CAMK1D: variants seen among roughly 807,000 people sequenced by gnomAD.
The protein encoded by CAMK1D is calcium/calmodulin dependent protein kinase ID.
In CAMK1D, 9 loss-of-function variants were observed where a neutral mutation model predicts 47.7. The observed-to-expected ratio is 0.19, with a 90% CI of 0.11 to 0.33. The LOEUF (loss-of-function observed/expected upper bound fraction) is 0.33. Among genes scored for constraint, CAMK1D ranks in the 10% least tolerant of loss-of-function variants. CAMK1D has a pLI of 1.00. For synonymous variants in CAMK1D, 184 were observed against 184.9 expected (o/e 0.99, Z 0.04); for missense variants, 291 against 488.7 (o/e 0.60, Z 3.81).
At chr10:12,816,872 CAAAAAA>C (rs71386122) in intron 8 of CAMK1D, among the ~76,000 whole-genome samples, 1 of 57,426 alleles carries the variant, frequency 1.7e-5, no homozygotes, top group Non-Finnish European at 3.9e-5. Flanking sequence ...AACTCTGTCT[CAAAAAA>C]AAAAAAAAAA....
chr10:12,436,132 G>A (rs1001440884), intron 1 of CAMK1D, among the ~76,000 whole-genome samples: 2 of 152,136 alleles, frequency 1.3e-5, no homozygotes, highest in Admixed American at 6.5e-5. Context: ...ATGGCTTTCC[G>A]GGCCCCGGCT....
At chr10:12,477,947 T>A (rs2132090662) in intron 1 of CAMK1D, among the ~76,000 whole-genome samples, 1 of 152,334 alleles carries the variant, frequency 6.6e-6, no homozygotes, top group Non-Finnish European at 1.5e-5. Context: ...GTTCCTGAAT[T>A]CTAGATGCTG....
chr10:12,490,369 A>T (rs1834345622), intron 1 of CAMK1D, among the ~76,000 whole-genome samples: 1 of 151,956 alleles, frequency 6.6e-6, no homozygotes, highest in African/African-American at 2.4e-5. Context: ...TGTGGTGTGG[A>T]GGGGGAACTG....
At chr10:12,525,201 G>A (rs1008595995) in intron 1 of CAMK1D, among the ~76,000 whole-genome samples, 1 of 152,144 alleles carries the variant, frequency 6.6e-6, no homozygotes, top group African/African-American at 2.4e-5. Flanking sequence ...TGTTGTGTGG[G>A]TATTCTTTTC....
chr10:12,487,579 G>T (rs1358832912), intron 1 of CAMK1D, among the ~76,000 whole-genome samples: 1 of 152,248 alleles, frequency 6.6e-6, no homozygotes, highest in African/African-American at 2.4e-5. Context: ...AGTCATCCTT[G>T]AATCCTTTTC....
intron 1 of CAMK1D, among the ~76,000 whole-genome samples, chr10:12,488,852 A>T (rs1223533861): frequency 6.6e-6 from 1 of 152,192 alleles, no homozygotes; most frequent in Non-Finnish European, 1.5e-5. Context: ...TCAGGCGGTG[A>T]TGCGAGGGAT....
At chr10:12,393,399 C>G (rs552696954) in intron 1 of CAMK1D, among the ~76,000 whole-genome samples, 1 of 152,220 alleles carries the variant, frequency 6.6e-6, no homozygotes, top group African/African-American at 2.4e-5. Flanking sequence ...GTGCTAGGCT[C>G]TCTGAGAGAG....
chr10:12,680,221 A>G (rs1315978937), intron 3 of CAMK1D, among the ~76,000 whole-genome samples: 6 of 152,210 alleles, frequency 3.9e-5, no homozygotes, highest in African/African-American at 7.2e-5. Context: ...CAGAGTTTAT[A>G]TAGGAAATTA....
chr10:12,601,145 G>T (rs1838288227), intron 2 of CAMK1D, among the ~76,000 whole-genome samples: 1 of 150,826 alleles, frequency 6.6e-6, no homozygotes, highest in Non-Finnish European at 1.5e-5. Context: ...TAGACACCCA[G>T]TAGTGGGATT....
rs532761517 is a variant in CAMK1D, at chr10:12,702,786, T to A, written c.299+35976T>A. Among the ~76,000 whole-genome samples, 13 of 152,256 alleles carry A rather than the reference T, an allele frequency of 8.5e-5. No homozygotes were observed. In the South Asian group the frequency reaches 2.7e-3, roughly 32 times the overall value. On this transcript the variant is annotated intron_variant, in intron 3 of 10. Transcript: ENST00000619168. ...GGGAGAGAGAGGTAAAGAAGATGCG[T>A]AGCACTGGGGATGAGAGGGGCACAT...
At position 12,827,420 on chromosome 10, in the gene CAMK1D, T is replaced by C. The variant is rs55700222; in HGVS notation, c.1040-1349T>C. Among the ~76,000 whole-genome samples the C allele has an allele frequency of 1.6e-3, 19 of 12,046 alleles. 4 individuals carry two copies. Among genetic ancestry groups the C allele is most frequent in the Admixed American group, 5.3e-3 (7 of 1,330 alleles). The allele number at this position is 12,046 out of a possible 152,430, so 7.9% of individuals were successfully genotyped here. On this transcript the variant is annotated intron_variant, in intron 10 of 10. Coordinates refer to ENST00000619168, the MANE Select transcript of CAMK1D (RefSeq NM_153498.4). ...CCTTCCTTTCTTCTTTCTCTCTTTCTTTCCTTCCTTCCTTCCTTCTTTCTT... is the reference window on the plus strand; with the variant it reads ...CCTTCCTTTCTTCTTTCTCTCTTTCCTTCCTTCCTTCCTTCCTTCTTTCTT...
chr10:12,571,189 G>A (rs112420930), intron 2 of CAMK1D, among the ~76,000 whole-genome samples: 8,735 of 151,832 alleles, frequency 0.058, 725 homozygotes, highest in African/African-American at 0.19. Context: ...GCTCATGCCT[G>A]TAATCTCTGC....
chr10:12,421,815 T>A (rs984621564), intron 1 of CAMK1D, among the ~76,000 whole-genome samples: 11 of 150,616 alleles, frequency 7.3e-5, no homozygotes, highest in African/African-American at 2.7e-4. Flanking sequence ...GGGGCAGGTA[T>A]TTGGGACTCT....
intron 1 of CAMK1D, among the ~76,000 whole-genome samples, chr10:12,488,232 C>T (rs1278683712): frequency 6.6e-6 from 1 of 152,088 alleles, no homozygotes; most frequent in Admixed American, 6.6e-5. Flanking sequence ...CCTGAAATCG[C>T]AGAGGTGGGT....
rs1392646605 is a variant in CAMK1D, at chr10:12,835,193, A to G, written c.*6306A>G. 1.3e-5 allele frequency: 2 copies of G among 152,334 alleles called. No homozygotes were observed. The highest frequency in any genetic ancestry group is 3.4e-3 in the Middle Eastern group (1 of 294). The allele number at this position is 152,334 out of a possible 1,614,324, so 9.4% of individuals were successfully genotyped here. A position where few individuals can be genotyped will look rare whatever the true frequency, so the allele number is the denominator to read the frequency against. On this transcript the variant is annotated 3_prime_UTR_variant, in exon 11 of 11. Coordinates refer to ENST00000619168, the MANE Select transcript of CAMK1D (RefSeq NM_153498.4). ...GGCTTTTGTCACTACACATAATGTA[A>G]TCTCCCTTCTTTCAGCTCCCCCAAC...
intron 1 of CAMK1D, among the ~76,000 whole-genome samples, chr10:12,429,845 C>G (rs1481562392): frequency 6.6e-6 from 1 of 152,148 alleles, no homozygotes; most frequent in African/African-American, 2.4e-5. Context: ...GGTTTCACCT[C>G]TGGTGAATCC....
chr10:12,786,358 G>A (rs984793552), intron 5 of CAMK1D, among the ~76,000 whole-genome samples: 4 of 152,060 alleles, frequency 2.6e-5, no homozygotes, highest in East Asian at 1.9e-4. Flanking sequence ...TTTGTTGGTC[G>A]ATATAACACA....
At chr10:12,590,078 G>T (rs1837951963) in intron 2 of CAMK1D, among the ~76,000 whole-genome samples, 2 of 152,156 alleles carry the variant, frequency 1.3e-5, no homozygotes, top group Non-Finnish European at 2.9e-5. Flanking sequence ...AGGCCGTGCA[G>T]CCTGTACAGA....
intron 3 of CAMK1D, among the ~76,000 whole-genome samples, chr10:12,751,313 G>A (rs1344118642): frequency 6.6e-6 from 1 of 151,986 alleles, no homozygotes; most frequent in Non-Finnish European, 1.5e-5. Flanking sequence ...TGGAGTGAGT[G>A]GCATGATCAT....
Sources: gnomAD v4.1 joint callset for allele counts (sites outside exome capture counted in the v4.1 genomes callset) on GRCh38, gnomAD v4.1.1 for gene constraint, MANE v1.5 for transcripts, NCBI Gene and HGNC (gene_info 2026-07-23, HGNC 2026-07-21) for gene names.